The following GLI2 variants were observed in gnomAD, a reference collection of about 807,000 sequenced individuals.
GLI2 encodes GLI family zinc finger 2.
Under a neutral mutation model 78.9 loss-of-function variants are expected in GLI2, and 22 were observed. The observed-to-expected ratio is 0.28, with a 90% CI of 0.20 to 0.40. The LOEUF is 0.40. Among genes scored for constraint, GLI2 ranks in the 10% least tolerant of loss-of-function variants. The pLI is 1.00. For synonymous variants in GLI2, 974 were observed against 963.7 expected (o/e 1.01, Z -0.20); for missense variants, 2,097 against 2,213.2 (o/e 0.95, Z 1.05).
intron 8 of GLI2, 149 bp downstream of exon 8, chr2:120,972,212 G>C (rs1682219593): frequency 2.4e-6 from 2 of 847,832 alleles, no homozygotes; most frequent in South Asian, 2.9e-5. Flanking sequence ...TGGGAATGCT[G>C]AGCTGTGACT....
At chr2:120,958,153 G>A (rs1031080356) in intron 5 of GLI2, among the ~76,000 whole-genome samples, 1 of 152,178 alleles carries the variant, frequency 6.6e-6, no homozygotes, top group African/African-American at 2.4e-5. Flanking sequence ...GGTGGTGACA[G>A]GACTGAAGGG....
chr2:120,988,117 C>T (rs1374455179), intron 13 of GLI2, 91 bp from the exon 14 acceptor site: 10 of 1,129,154 alleles, frequency 8.9e-6, no homozygotes, highest in Middle Eastern at 6.0e-4. Flanking sequence ...GCCCTCTTCT[C>T]GGGCTCCAGG....
Position 120,963,437 on chromosome 2 carries a change from T to TTGTG in GLI2, c.644-5262_644-5259dup, listed in dbSNP as rs138327826. Among the ~76,000 whole-genome samples the TTGTG allele has an allele frequency of 7.3e-5, 11 of 151,518 alleles. No homozygotes were observed. In the South Asian group the frequency reaches 1.5e-3, roughly 20 times the overall value. Reference sequence around the variant, plus strand: ...GGCAGAGGCTGTGTGCCTCTGCATCTTGTGTGTGTGTGTGTGTGCGCGCAC... The same window carrying TTGTG: ...GGCAGAGGCTGTGTGCCTCTGCATCTTGTGTGTGTGTGTGTGTGTGTGCGCGCAC... On this transcript the variant is annotated intron_variant, in intron 5 of 13. Transcript: ENST00000361492.
intron 2 of GLI2, among the ~76,000 whole-genome samples, chr2:120,804,188 G>GA (rs1478337596): frequency 6.6e-6 from 1 of 152,166 alleles, no homozygotes; most frequent in African/African-American, 2.4e-5. Flanking sequence ...GCCAGAGCTA[G>GA]AAAATCCCCT....
intron 3 of GLI2, among the ~76,000 whole-genome samples, chr2:120,931,731 G>C (rs1271488692): frequency 6.6e-6 from 1 of 152,182 alleles, no homozygotes; most frequent in Admixed American, 6.5e-5. Flanking sequence ...AGACATTGAG[G>C]CTCAGAGAGG....
At chr2:120,931,665 G>A (rs972954524) in intron 3 of GLI2, among the ~76,000 whole-genome samples, 1 of 152,092 alleles carries the variant, frequency 6.6e-6, no homozygotes, top group African/African-American at 2.4e-5. Flanking sequence ...ATATTGTACT[G>A]GTGAATCTTC....
chr2:120,864,317 T>C (rs1297352277), intron 2 of GLI2, among the ~76,000 whole-genome samples: 1 of 152,198 alleles, frequency 6.6e-6, no homozygotes, highest in Non-Finnish European at 1.5e-5. Flanking sequence ...TGCTGTTTTT[T>C]ACATGGGTTG....
intron 2 of GLI2, among the ~76,000 whole-genome samples, chr2:120,818,808 G>A (rs1357029499): frequency 6.6e-6 from 1 of 152,200 alleles, no homozygotes; most frequent in Non-Finnish European, 1.5e-5. Flanking sequence ...CTACTGGTTA[G>A]CATGTTACCA....
At chr2:120,911,728 G>A (rs1175219573) in intron 2 of GLI2, among the ~76,000 whole-genome samples, 1 of 152,104 alleles carries the variant, frequency 6.6e-6, no homozygotes, top group African/African-American at 2.4e-5. Flanking sequence ...GCGGTGGAGG[G>A]GGGTGGCAGA....
chr2:120,838,541 ATG>A (rs1472319336), intron 2 of GLI2, among the ~76,000 whole-genome samples: 2 of 152,212 alleles, frequency 1.3e-5, no homozygotes, highest in Admixed American at 6.5e-5. Context: ...TAAAAATATA[ATG>A]TGAACCACAT....
chr2:120,857,506 C>T (rs1227565368), intron 2 of GLI2, among the ~76,000 whole-genome samples: 10 of 126,950 alleles, frequency 7.9e-5, no homozygotes, highest in African/African-American at 2.7e-4. Flanking sequence ...CCCATCTGCC[C>T]GCCCACCCAC....
At chr2:120,742,719 A>G (rs866117542) in intron 1 of GLI2, among the ~76,000 whole-genome samples, 28 of 151,934 alleles carry the variant, frequency 1.8e-4, no homozygotes, top group Middle Eastern at 6.8e-3. Flanking sequence ...ATCTTTCTCC[A>G]TTGAGCACGT....
intron 2 of GLI2, among the ~76,000 whole-genome samples, chr2:120,926,160 T>C (rs1459013842): frequency 6.6e-6 from 1 of 151,784 alleles, no homozygotes; most frequent in Non-Finnish European, 1.5e-5. Context: ...ATTCATAGTA[T>C]TTATGGTATT....
chr2:120,826,256 G>A (rs984002255), intron 2 of GLI2, among the ~76,000 whole-genome samples: 2 of 152,240 alleles, frequency 1.3e-5, no homozygotes, highest in Non-Finnish European at 2.9e-5. Flanking sequence ...AGCTGAAGCA[G>A]TGCCCTCGTC....
chr2:120,986,702 A>C, intron 13 of GLI2, 88 bp downstream of exon 13: 1 of 1,017,618 alleles, frequency 9.8e-7, no homozygotes, highest in Non-Finnish European at 1.5e-6. Flanking sequence ...CACCAGTGCT[A>C]TCTCACCGGA....
At chr2:120,851,158 A>C (rs1013936011) in intron 2 of GLI2, among the ~76,000 whole-genome samples, 6 of 152,184 alleles carry the variant, frequency 3.9e-5, no homozygotes, top group Admixed American at 2.0e-4. Context: ...AAGAATCATG[A>C]AAATTAAAAT....
At chr2:120,894,101 G>A (rs989669623) in intron 2 of GLI2, among the ~76,000 whole-genome samples, 1 of 152,174 alleles carries the variant, frequency 6.6e-6, no homozygotes, top group African/African-American at 2.4e-5. Context: ...TCCTCCTGGG[G>A]CTTTGTGGCA....
intron 2 of GLI2, among the ~76,000 whole-genome samples, chr2:120,839,331 T>C (rs925610855): frequency 1.3e-5 from 2 of 152,202 alleles, no homozygotes; most frequent in Admixed American, 1.3e-4. Context: ...TCTTAACGTT[T>C]TTTAAAAAAT....
At chr2:120,797,097 G>T (rs1044438201) in intron 1 of GLI2, among the ~76,000 whole-genome samples, 194 bp from the exon 2 acceptor site, 1 of 152,204 alleles carries the variant, frequency 6.6e-6, no homozygotes, top group African/African-American at 2.4e-5. Flanking sequence ...GCAGTTGTCC[G>T]TGAGGTCGTT....
Sources: gnomAD v4.1 joint callset for allele counts (sites outside exome capture counted in the v4.1 genomes callset) on GRCh38, gnomAD v4.1.1 for gene constraint, MANE v1.5 for transcripts, NCBI Gene and HGNC (gene_info 2026-07-23, HGNC 2026-07-21) for gene names.